DLG2: variants seen among roughly 807,000 people sequenced by gnomAD.
The protein encoded by DLG2 is discs large MAGUK scaffold protein 2.
DLG2 carries 45 observed loss-of-function variants against 132.5 expected under a neutral mutation model. That is an observed-to-expected ratio of 0.34 (90% confidence interval 0.27 to 0.44). The LOEUF is 0.44. Ranked by LOEUF, DLG2 falls within the 20% of genes least tolerant of loss-of-function variation. DLG2 has a pLI of 1.00. For synonymous variants in DLG2, 424 were observed against 419.6 expected (o/e 1.01, Z -0.13); for missense variants, 1,045 against 1,196.9 (o/e 0.87, Z 1.87).
At chr11:85,008,306 T>C (rs973194209) in intron 6 of DLG2, among the ~76,000 whole-genome samples, 1 of 152,172 alleles carries the variant, frequency 6.6e-6, no homozygotes, top group East Asian at 1.9e-4. Context: ...AAACTCAAAA[T>C]TCTGGATTCA....
chr11:85,292,243 A>G (rs933243096), intron 3 of DLG2, among the ~76,000 whole-genome samples: 1 of 152,114 alleles, frequency 6.6e-6, no homozygotes, highest in African/African-American at 2.4e-5. Flanking sequence ...ATAGAAGTGG[A>G]ATTTTCAATA....
At chr11:84,015,970 A>C (rs1322129999) in intron 11 of DLG2, among the ~76,000 whole-genome samples, 1 of 152,124 alleles carries the variant, frequency 6.6e-6, no homozygotes, top group African/African-American at 2.4e-5. Flanking sequence ...TGTCTTCCAC[A>C]ATGGTTGAAC....
At chr11:84,797,135 C>T (rs990182316) in intron 6 of DLG2, among the ~76,000 whole-genome samples, 45 of 152,134 alleles carry the variant, frequency 3.0e-4, no homozygotes, top group Admixed American at 2.6e-3. Flanking sequence ...GCGTGAGCCA[C>T]CATGCCCGGC....
At chr11:84,728,664 G>A (rs1353198389) in intron 6 of DLG2, among the ~76,000 whole-genome samples, 1 of 152,136 alleles carries the variant, frequency 6.6e-6, no homozygotes, top group Non-Finnish European at 1.5e-5. Context: ...CAGAAGGAAT[G>A]GTACCAGCTC....
chr11:83,478,200 A>G (rs2092780004), intron 22 of DLG2, among the ~76,000 whole-genome samples: 3 of 152,128 alleles, frequency 2.0e-5, no homozygotes. Flanking sequence ...TTCCTCTGGA[A>G]TTCTTCATAT....
chr11:83,546,793 T>A (rs545946666), intron 19 of DLG2, among the ~76,000 whole-genome samples: 4 of 152,252 alleles, frequency 2.6e-5, no homozygotes, highest in African/African-American at 7.2e-5. Context: ...TACTATGGAC[T>A]AGCCTGCAAA....
intron 3 of DLG2, among the ~76,000 whole-genome samples, chr11:85,323,767 T>C (rs1222955181): frequency 6.6e-6 from 1 of 152,264 alleles, no homozygotes; most frequent in African/African-American, 2.4e-5. Flanking sequence ...TGTATTTCTG[T>C]GTCTGACTTC....
intron 15 of DLG2, among the ~76,000 whole-genome samples, chr11:83,881,756 T>G (rs2066322933): frequency 6.6e-6 from 1 of 152,240 alleles, no homozygotes; most frequent in Non-Finnish European, 1.5e-5. Flanking sequence ...TCAGGTGATT[T>G]GCATACTAAC....
At chr11:85,577,413 G>A (rs545326045) in intron 3 of DLG2, among the ~76,000 whole-genome samples, 26 of 152,174 alleles carry the variant, frequency 1.7e-4, no homozygotes, top group African/African-American at 6.3e-4. Flanking sequence ...AATCAGTGAT[G>A]TTGCCTGTGT....
intron 6 of DLG2, among the ~76,000 whole-genome samples, chr11:85,040,942 C>A (rs1301287801): frequency 6.6e-6 from 1 of 151,816 alleles, no homozygotes; most frequent in Non-Finnish European, 1.5e-5. Flanking sequence ...AAATTACACA[C>A]CACTTTCCAG....
At chr11:83,673,387 T>C (rs2077155878) in intron 18 of DLG2, among the ~76,000 whole-genome samples, 1 of 152,224 alleles carries the variant, frequency 6.6e-6, no homozygotes, top group South Asian at 2.1e-4. Context: ...GAAAAGGTCA[T>C]GAGAAGACTA....
At chr11:84,591,223 C>CTCTGTGTGTG (rs1555073566) in intron 6 of DLG2, among the ~76,000 whole-genome samples, 1,602 of 139,250 alleles carry the variant, frequency 0.012, 18 homozygotes, top group African/African-American at 0.026. Flanking sequence ...ATGTGTCTCT[C>CTCTGTGTGTG]TGTGTGTGTG....
intron 19 of DLG2, among the ~76,000 whole-genome samples, chr11:83,547,015 C>T (rs1317922836): frequency 1.3e-5 from 2 of 152,128 alleles, no homozygotes; most frequent in African/African-American, 4.8e-5. Context: ...AACCTCTATG[C>T]TCTTTTGCAA....
At chr11:84,563,645 C>T (rs773678653) in intron 6 of DLG2, among the ~76,000 whole-genome samples, 4 of 152,154 alleles carry the variant, frequency 2.6e-5, no homozygotes, top group African/African-American at 9.7e-5. Context: ...ACTCTAAAAT[C>T]GGTCTTGTTC....
chr11:84,268,649 GA>G (rs2097678883), intron 7 of DLG2, among the ~76,000 whole-genome samples: 1 of 98,402 alleles, frequency 1.0e-5, no homozygotes, highest in Non-Finnish European at 2.4e-5. Flanking sequence ...TTTTAGTAGA[GA>G]TGGGGTTTCA....
intron 6 of DLG2, among the ~76,000 whole-genome samples, chr11:84,714,596 TCTTTCTC>T (rs1416081851): frequency 1.0e-4 from 9 of 89,470 alleles, no homozygotes; most frequent in Admixed American, 2.1e-4. Flanking sequence ...TCTTTCTCTT[TCTTTCTC>T]TTTCTCTTTC....
At chr11:85,443,291 T>C (rs1351871832) in intron 3 of DLG2, among the ~76,000 whole-genome samples, 1 of 152,204 alleles carries the variant, frequency 6.6e-6, no homozygotes, top group Non-Finnish European at 1.5e-5. Flanking sequence ...TTTATCACAA[T>C]AACTAGAAAA....
At chr11:84,024,883 A>C (rs2095497915) in intron 11 of DLG2, among the ~76,000 whole-genome samples, 1 of 151,764 alleles carries the variant, frequency 6.6e-6, no homozygotes, top group Non-Finnish European at 1.5e-5. Flanking sequence ...TGTATATTTC[A>C]AAATCTAAAT....
At chr11:83,494,382 A>G (rs1565466391) in intron 21 of DLG2, among the ~76,000 whole-genome samples, 1 of 150,206 alleles carries the variant, frequency 6.7e-6, no homozygotes, top group Non-Finnish European at 1.5e-5. Flanking sequence ...CAGCTCCACC[A>G]CCATCCCAGG....
Sources: gnomAD v4.1 joint callset for allele counts (sites outside exome capture counted in the v4.1 genomes callset) on GRCh38, gnomAD v4.1.1 for gene constraint, MANE v1.5 for transcripts, NCBI Gene and HGNC (gene_info 2026-07-23, HGNC 2026-07-21) for gene names.